Variants in PPOX observed in about 807,000 individuals in gnomAD.
PPOX encodes the protein variegate porphyria.
In PPOX, 23 loss-of-function variants were observed where a neutral mutation model predicts 54.1. That is an observed-to-expected ratio of 0.43 (90% CI 0.31 to 0.60). The LOEUF (loss-of-function observed/expected upper bound fraction) is 0.60. PPOX is among the 20% of genes least tolerant of loss of function. PPOX has a pLI of 0.13. For synonymous variants in PPOX, 224 were observed against 236.1 expected, an observed-to-expected ratio of 0.95 and a Z score of 0.47; for missense variants, 512 against 601.1, an observed-to-expected ratio of 0.85 and a Z score of 1.55.
At chr1:161,168,966 A>G (rs1660137516) in intron 6 of PPOX, 27 bp from the exon 7 acceptor site, 2 of 1,612,264 alleles carry the variant, frequency 1.2e-6, no homozygotes, top group Non-Finnish European at 1.7e-6. Context: ...ATCCAGCCTC[A>G]ATGATTCTTC....
chr1:161,169,133 A>ACTC lies in PPOX; in HGVS notation c.757_758insCTC (p.Leu252_Arg253insThr). The stretch of plus-strand genomic sequence containing the variant: ...GACTAGTAGGGGGGTCAGTGTTCTC[A>ACTC]GAGGCCAGCCGGTCTGTGGGCTCAG... On this transcript the variant is annotated inframe_insertion, in exon 7 of 13. Coordinates refer to ENST00000367999, the MANE Select transcript of PPOX (RefSeq NM_001122764.3). The ACTC allele has an allele frequency of 6.2e-7, 1 of 1,614,202 alleles. No individual in the cohort carries two copies. Among genetic ancestry groups the ACTC allele is most frequent in the Non-Finnish European group, 8.5e-7 (1 of 1,180,046 alleles).
chr1:161,173,698 A>G (rs758209293), downstream of PPOX: 1 of 1,613,944 alleles, frequency 6.2e-7, no homozygotes. Context: ...AAGTGCTGAG[A>G]CTCCTCCGAA....
chr1:161,173,709 G>T (rs1272625343), downstream of PPOX: 1 of 1,614,186 alleles, frequency 6.2e-7, no homozygotes, highest in Non-Finnish European at 8.5e-7. Context: ...CTCCTCCGAA[G>T]TACTGGGGGT....
chr1:161,167,215 G>A lies in PPOX; in HGVS notation c.203G>A (p.Gly68Glu). ...GGAATTAGGCCAGCGGGAGCCCTAG[G>A]GGCCCGGACCTTGCTCCTGGTGAGA... ...PRGIRPAGAL[G>E]ARTLLLVSEL... The change falls in exon 3 of 13, where the codon GGG (glycine) becomes GAG (glutamate). Residue 68 changes from glycine to glutamate, a missense_variant. By Grantham distance (98) the Gly-to-Glu change is moderately conservative. Transcript: ENST00000367999. 1 of 1,614,174 alleles carries A rather than the reference G, an allele frequency of 6.2e-7. No homozygotes were observed. The highest frequency in any genetic ancestry group is 8.5e-7 in the Non-Finnish European group (1 of 1,180,026).
rs373846420 is a variant in PPOX, at chr1:161,169,976, T to C, written c.939T>C (p.Ser313=). The part of the protein sequence containing the change: ...ARALSAITAV[S]VAVVNLQYQG... ...CCCTGAGTGCCATCACTGCAGTGTC[T>C]GTAGCTGTGGTGAATCTGCAGTACC... The change falls in exon 9 of 13, where the codon TCT becomes TCC. Residue 313 remains serine, a synonymous_variant. Transcript: ENST00000367999. 6.2e-7 allele frequency: 1 copy of C among 1,614,186 alleles called. No homozygotes were observed. Among genetic ancestry groups the C allele is most frequent in the Non-Finnish European group, 8.5e-7 (1 of 1,180,022 alleles).
At position 161,171,187 on chromosome 1, in the gene PPOX, T is replaced by C. The variant is rs1484029922; in HGVS notation, c.*11T>C. ...GAACCTAACAGCTGATCCCCAACTCTCATTCATGAAAATAAAAATTGCTGG... is the reference window on the plus strand; with the variant it reads ...GAACCTAACAGCTGATCCCCAACTCCCATTCATGAAAATAAAAATTGCTGG... On this transcript the variant is annotated 3_prime_UTR_variant, in exon 13 of 13. Coordinates refer to ENST00000367999, the MANE Select transcript of PPOX (RefSeq NM_001122764.3). The C allele has an allele frequency of 6.2e-7, 1 of 1,613,054 alleles. No homozygotes were observed. The highest frequency in any genetic ancestry group is 1.7e-5 in the Admixed American group (1 of 60,024).
intron 6 of PPOX, 34 bp downstream of exon 6, chr1:161,168,610 TAAGTACTGCCA>T: frequency 6.2e-7 from 1 of 1,608,752 alleles, no homozygotes; most frequent in Non-Finnish European, 8.5e-7. Flanking sequence ...GTGAAAATAT[TAAGTACTGCCA>T]AAGTGAGGGA....
chr1:161,168,443 A>G lies in PPOX; in HGVS notation c.483A>G (p.Leu161=). 6.2e-7 allele frequency: 1 copy of G among 1,614,108 alleles called. No homozygotes were observed. The highest frequency in any genetic ancestry group is 8.5e-7 in the Non-Finnish European group (1 of 1,180,036). Reference sequence around the variant, plus strand: ...GTCTCACCCTTAAGGTGGCGTCTCTAGCCATGGACAGTCTCTGCCGTGGAG... The same window carrying G: ...GTCTCACCCTTAAGGTGGCGTCTCTGGCCATGGACAGTCTCTGCCGTGGAG... ...QRRLGPEVAS[L]AMDSLCRGVF... The change falls in exon 6 of 13, where the codon CTA becomes CTG. Residue 161 remains leucine (L), a synonymous_variant. Coordinates refer to ENST00000367999, the MANE Select transcript of PPOX (RefSeq NM_001122764.3).
chr1:161,174,978 GGA>G, downstream of PPOX: 6 of 1,610,646 alleles, frequency 3.7e-6, no homozygotes, highest in Non-Finnish European at 4.2e-6. Flanking sequence ...AAAATGAGGT[GGA>G]GATTGGGGGT....
At chr1:161,168,837 A>AT (rs893545667) in intron 6 of PPOX, among the ~76,000 whole-genome samples, 156 bp from the exon 7 acceptor site, 14 of 152,048 alleles carry the variant, frequency 9.2e-5, no homozygotes, top group African/African-American at 3.4e-4. Flanking sequence ...TAATCTTTGT[A>AT]TTTTTTTGTA....
chr1:161,176,482 C>CG (rs1313827938), intron 4 of PPOX: 5 of 370,030 alleles, frequency 1.4e-5, no homozygotes, highest in East Asian at 5.4e-5. Context: ...CAGGGGGTCC[C>CG]GGGGGGACAG....
intron 7 of PPOX, 81 bp from the exon 8 acceptor site, chr1:161,169,579 C>G: frequency 1.4e-6 from 2 of 1,446,030 alleles, no homozygotes; most frequent in Non-Finnish European, 1.9e-6. Context: ...GCCTGGGAAA[C>G]TGAGAGTGAG....
At chr1:161,173,626 T>TCAC, downstream of PPOX, 1 of 1,614,096 alleles carries the variant, frequency 6.2e-7, no homozygotes, top group Non-Finnish European at 8.5e-7. Flanking sequence ...GTCGTCATCC[T>TCAC]CACCACCCCA....
At chr1:161,167,527 C>CTCATATG in intron 4 of PPOX, 41 bp downstream of exon 4, 1 of 1,566,382 alleles carries the variant, frequency 6.4e-7, no homozygotes, top group Non-Finnish European at 8.7e-7. Flanking sequence ...TGCCCTCATC[C>CTCATATG]TCATATGCCT....
chr1:161,174,867 C>T (rs1453326139), downstream of PPOX: 6 of 1,033,472 alleles, frequency 5.8e-6, no homozygotes, highest in Admixed American at 5.1e-5. Flanking sequence ...GGGTGCTTCT[C>T]CACACTCTAA....
downstream of PPOX, chr1:161,175,267 CAA>C (rs1211434831): frequency 2.6e-6 from 4 of 1,566,472 alleles, no homozygotes; most frequent in Non-Finnish European, 2.6e-6. Context: ...ATCAGAGGGG[CAA>C]AGAGAAAAGA....
chr1:161,174,065 G>A (rs772912221), downstream of PPOX: 12 of 1,611,292 alleles, frequency 7.4e-6, no homozygotes, highest in African/African-American at 1.1e-4. Context: ...AGATAATGGA[G>A]GGGAACCAGA....
At chr1:161,176,039 G>A (rs369059528), downstream of PPOX, 4 of 1,614,098 alleles carry the variant, frequency 2.5e-6, no homozygotes, top group East Asian at 4.5e-5. Context: ...GTGCAAGGCC[G>A]CTCCAGCAGC....
At chr1:161,169,389 C>T (rs1660312674) in intron 7 of PPOX, 1 of 711,938 alleles carries the variant, frequency 1.4e-6, no homozygotes, top group African/African-American at 1.8e-5. Flanking sequence ...AGAAGTAGTA[C>T]TTATAAGTGG....
Sources: allele counts gnomAD v4.1 joint callset (sites outside exome capture counted in the v4.1 genomes callset), GRCh38; gene constraint gnomAD v4.1.1; transcripts MANE v1.5; gene names NCBI Gene and HGNC (gene_info 2026-07-23, HGNC 2026-07-21).